Variants in NCAM2 observed in about 807,000 individuals in gnomAD.
NCAM2 encodes N-CAM-2.
In NCAM2, 30 loss-of-function variants were observed where a neutral mutation model predicts 98.1. The ratio of observed to expected loss-of-function variants is 0.31; its 90% CI spans 0.23 to 0.41. The LOEUF (loss-of-function observed/expected upper bound fraction) is 0.41. Among genes scored for constraint, NCAM2 ranks in the 10% least tolerant of loss-of-function variants. NCAM2 has a pLI of 1.00. For synonymous variants in NCAM2, 368 were observed against 342.4 expected (o/e 1.07, Z -0.83); for missense variants, 867 against 1,005.8 (o/e 0.86, Z 1.87).
chr21:21,025,106 G>A (rs2064516591), intron 1 of NCAM2, among the ~76,000 whole-genome samples: 1 of 149,254 alleles, frequency 6.7e-6, no homozygotes, highest in Non-Finnish European at 1.5e-5. Flanking sequence ...TTTTTTTTGA[G>A]ATGGAGTCTC....
intron 1 of NCAM2, among the ~76,000 whole-genome samples, chr21:21,217,125 C>A (rs1306084904): frequency 6.6e-6 from 1 of 152,042 alleles, no homozygotes; most frequent in Non-Finnish European, 1.5e-5. Context: ...GTAGAAAATC[C>A]AGTTTTTGCT....
intron 8 of NCAM2, among the ~76,000 whole-genome samples, chr21:21,359,277 G>A (rs991621429): frequency 6.6e-6 from 1 of 151,876 alleles, no homozygotes. Flanking sequence ...TTCCCCATCT[G>A]ATGTAGGTGG....
chr21:21,350,655 G>A (rs1215761849), intron 8 of NCAM2, among the ~76,000 whole-genome samples: 1 of 152,130 alleles, frequency 6.6e-6, no homozygotes, highest in Non-Finnish European at 1.5e-5. Context: ...TAAAAACAGA[G>A]CTATTTTAAA....
rs1486093883 is a variant in NCAM2 at position 21,294,835 on chromosome 21, CTTA to C, written c.619+2599_619+2601del. Among the ~76,000 whole-genome samples the C allele has an allele frequency of 4.6e-5, 7 of 151,352 alleles. No homozygotes were observed. The East Asian group carries it at 1.2e-3, about 25-fold the overall frequency. On this transcript the variant is annotated intron_variant, in intron 5 of 17. Coordinates refer to ENST00000400546, the MANE Select transcript of NCAM2 (RefSeq NM_004540.5). ...AGGTTTTTTTTTTTGAAAGTTTTCC[CTTA>C]TTATGCCTCTTTTATAAAACTGCTT... is the stretch of plus-strand genomic sequence containing the variant.
intron 8 of NCAM2, among the ~76,000 whole-genome samples, chr21:21,360,445 A>G (rs760441368): frequency 9.9e-5 from 15 of 151,932 alleles, no homozygotes; most frequent in Non-Finnish European, 2.2e-4. Context: ...TTGTCTGACT[A>G]TCTAAGTCTT....
intron 1 of NCAM2, among the ~76,000 whole-genome samples, chr21:21,201,103 C>A (rs752560183): frequency 6.6e-6 from 1 of 151,990 alleles, no homozygotes; most frequent in African/African-American, 2.4e-5. Flanking sequence ...ACCGTGTGTG[C>A]GGATTACTAA....
At chr21:21,100,484 C>T (rs765148081) in intron 1 of NCAM2, among the ~76,000 whole-genome samples, 1 of 151,822 alleles carries the variant, frequency 6.6e-6, no homozygotes, top group African/African-American at 2.4e-5. Flanking sequence ...AAACATGATG[C>T]CGTGTAGAAA....
At chr21:21,483,567 T>C (rs1453109461) in intron 15 of NCAM2, among the ~76,000 whole-genome samples, 1 of 151,920 alleles carries the variant, frequency 6.6e-6, no homozygotes, top group Admixed American at 6.6e-5. Flanking sequence ...TTCAAACACA[T>C]GGCAAATATG....
chr21:21,102,567 A>G (rs1378219658), intron 1 of NCAM2, among the ~76,000 whole-genome samples: 1 of 152,086 alleles, frequency 6.6e-6, no homozygotes. Context: ...AAATCAATGA[A>G]GTTCAGGAAC....
chr21:21,140,222 C>T (rs2067138307), intron 1 of NCAM2, among the ~76,000 whole-genome samples: 1 of 152,086 alleles, frequency 6.6e-6, no homozygotes, highest in Non-Finnish European at 1.5e-5. Flanking sequence ...GTATAAGGAA[C>T]AAGACAGCTT....
At chr21:21,481,969 C>A (rs1985928003) in intron 15 of NCAM2, among the ~76,000 whole-genome samples, 1 of 151,714 alleles carries the variant, frequency 6.6e-6, no homozygotes, top group South Asian at 2.1e-4. Flanking sequence ...ATGGTGACAC[C>A]CGCCTGTAAT....
At chr21:21,134,524 A>G (rs1024604771) in intron 1 of NCAM2, among the ~76,000 whole-genome samples, 2 of 152,204 alleles carry the variant, frequency 1.3e-5, no homozygotes, top group African/African-American at 4.8e-5. Flanking sequence ...GAATATCTAC[A>G]GACACTTTAG....
chr21:21,397,620 A>C (rs1417998092), intron 9 of NCAM2, among the ~76,000 whole-genome samples: 1 of 152,226 alleles, frequency 6.6e-6, no homozygotes, highest in African/African-American at 2.4e-5. Context: ...GGGAGCAGGC[A>C]CTTCCCAGCC....
intron 10 of NCAM2, among the ~76,000 whole-genome samples, 159 bp downstream of exon 10, chr21:21,410,620 C>T (rs1461500399): frequency 6.6e-6 from 1 of 151,950 alleles, no homozygotes; most frequent in African/African-American, 2.4e-5. Context: ...GTCCATGGCT[C>T]ATTAATGATG....
At chr21:21,266,244 T>A (rs2072266053) in intron 1 of NCAM2, among the ~76,000 whole-genome samples, 1 of 152,104 alleles carries the variant, frequency 6.6e-6, no homozygotes. Context: ...GACTTAAACA[T>A]ACTGTTTTTT....
At chr21:21,080,355 A>G (rs960899683) in intron 1 of NCAM2, among the ~76,000 whole-genome samples, 2 of 152,030 alleles carry the variant, frequency 1.3e-5, no homozygotes, top group South Asian at 4.1e-4. Context: ...GGTGGCTCAA[A>G]CCTGTAATCC....
At chr21:21,489,467 T>C (rs1428935829) in intron 15 of NCAM2, among the ~76,000 whole-genome samples, 1 of 152,038 alleles carries the variant, frequency 6.6e-6, no homozygotes, top group Non-Finnish European at 1.5e-5. Flanking sequence ...CTGTCTCTCT[T>C]ATGCTTCCTT....
At chr21:21,377,496 GA>G (rs748480134) in intron 9 of NCAM2, among the ~76,000 whole-genome samples, 34 of 151,762 alleles carry the variant, frequency 2.2e-4, no homozygotes, top group Non-Finnish European at 4.0e-4. Context: ...AGTTATAGTT[GA>G]CAAATAAAAA....
In NCAM2 at chr21:21,019,007, T is replaced by C. The variant is rs79510454; in HGVS notation, c.55+20389T>C. ...TGGTCATTGAAGTATTCTGGCTGAA[T>C]GGTTGGATGCTAAATGGATTCCTGC... is the stretch of plus-strand genomic sequence containing the variant. On this transcript the variant is annotated intron_variant, in intron 1 of 17. Coordinates refer to ENST00000400546, the MANE Select transcript of NCAM2 (RefSeq NM_004540.5). 6.8e-3 allele frequency among the ~76,000 whole-genome samples: 1,041 copies of C among 152,340 alleles called. 10 individuals carry two copies. The highest frequency in any genetic ancestry group is 0.023 in the African/African-American group (975 of 41,578).
Sources: gnomAD v4.1 joint callset for allele counts (sites outside exome capture counted in the v4.1 genomes callset) on GRCh38, gnomAD v4.1.1 for gene constraint, MANE v1.5 for transcripts, NCBI Gene and HGNC (gene_info 2026-07-23, HGNC 2026-07-21) for gene names.